Variants in COX4I2 observed in about 807,000 individuals in gnomAD.
COX4I2 encodes the protein cytochrome c oxidase subunit 4I2.
Under a neutral mutation model 20.8 loss-of-function variants are expected in COX4I2, and 15 were observed. The ratio of observed to expected loss-of-function variants is 0.72; its 90% CI spans 0.48 to 1.11. The LOEUF (loss-of-function observed/expected upper bound fraction) is 1.11. COX4I2 is among the 50% of genes most tolerant of loss of function. The pLI, the probability that COX4I2 is intolerant of heterozygous loss-of-function variation, is 0.00. For synonymous variants in COX4I2, 80 were observed against 78.1 expected (o/e 1.02, Z -0.13); for missense variants, 224 against 223.0 (o/e 1.00, Z -0.03).
At chr20:31,643,577 C>T (rs748718509) in intron 4 of COX4I2, 42 bp downstream of exon 4, 6 of 1,610,990 alleles carry the variant, frequency 3.7e-6, no homozygotes, top group Non-Finnish European at 5.1e-6. Flanking sequence ...CTGGGCCATG[C>T]CCTTGTGGTC....
In COX4I2 at chr20:31,644,968, C is replaced by T. The variant is rs2060488667; in HGVS notation, c.*64C>T. ...CTGGGAGCCTCTGGCGGCCCCTCCC[C>T]TCCCCTGCCCTTAACCCCAGTAAAG... On this transcript the variant is annotated 3_prime_UTR_variant, in exon 5 of 5. Coordinates refer to ENST00000376075, the MANE Select transcript of COX4I2 (RefSeq NM_032609.3). 1 of 1,578,298 alleles carries T rather than the reference C, an allele frequency of 6.3e-7. No individual in the cohort carries two copies. The highest frequency in any genetic ancestry group is 1.8e-5 in the Admixed American group (1 of 55,246).
intron 3 of COX4I2, among the ~76,000 whole-genome samples, chr20:31,641,495 C>T (rs1377978973): frequency 6.6e-6 from 1 of 152,222 alleles, no homozygotes; most frequent in Non-Finnish European, 1.5e-5. Context: ...TTAGGTTGCT[C>T]TCGTTAGCTC....
chr20:31,639,949 G>C lies in COX4I2; in HGVS notation c.99G>C (p.Lys33Asn). 1 of 1,614,082 alleles carries C rather than the reference G, an allele frequency of 6.2e-7. No individual in the cohort carries two copies. Among genetic ancestry groups the C allele is most frequent in the Non-Finnish European group, 8.5e-7 (1 of 1,180,010 alleles). ...SSEGTTRGGG[K>N]MSPYTNCYAQ... is the part of the protein sequence containing the mutation. ...TGTCTGCAGCCCGTGGTGGGGGGAA[G>C]ATGTCCCCCTACACCAACTGCTATG... The change falls in exon 3 of 5, where the codon AAG becomes AAC. Residue 33 changes from lysine to asparagine, a missense_variant. Lys to Asn is a moderately conservative substitution (Grantham distance 94). Transcript: ENST00000376075.
At chr20:31,640,178 G>T in intron 3 of COX4I2, 81 bp downstream of exon 3, 1 of 1,436,760 alleles carries the variant, frequency 7.0e-7, no homozygotes. Context: ...GGATCAGAGG[G>T]CAGAGAGAGG....
At chr20:31,640,159 G>C (rs913376401) in intron 3 of COX4I2, 62 bp downstream of exon 3, 6 of 1,526,216 alleles carry the variant, frequency 3.9e-6, no homozygotes. Flanking sequence ...GGAAAGAATG[G>C]CCTGTCAGGG....
Position 31,639,010 on chromosome 20 carries a change from G to A in COX4I2, c.1-8G>A, listed in dbSNP as rs374439906. 1.2e-5 allele frequency: 19 copies of A among 1,607,414 alleles called. No individual in the cohort carries two copies. Among genetic ancestry groups the A allele is most frequent in the African/African-American group, 2.7e-5 (2 of 74,876 alleles). ...GGGCAGAACTCATCTATACCTTCAC[G>A]CCCCCAGATGCTCCCCAGAGCTGCC... On this transcript the variant is annotated splice_region_variant and splice_polypyrimidine_tract_variant and intron_variant, in intron 1 of 4. Transcript: ENST00000376075.
intron 3 of COX4I2, among the ~76,000 whole-genome samples, chr20:31,641,128 A>G (rs2060465804): frequency 6.6e-6 from 1 of 151,996 alleles, no homozygotes; most frequent in African/African-American, 2.4e-5. Flanking sequence ...ACATGTATAC[A>G]TATGTAACAA....
At chr20:31,640,337 A>G (rs1357196623) in intron 3 of COX4I2, among the ~76,000 whole-genome samples, 1 of 152,154 alleles carries the variant, frequency 6.6e-6, no homozygotes, top group East Asian at 1.9e-4. Flanking sequence ...TCCTGCCCCC[A>G]TGGTGCCCCC....
chr20:31,638,996 A>C (rs2060451511), intron 1 of COX4I2, 22 bp from the exon 2 acceptor site: 1 of 1,599,294 alleles, frequency 6.3e-7, no homozygotes, highest in Admixed American at 1.7e-5. Flanking sequence ...GGCAGAACTC[A>C]TCTATACCTT....
At chr20:31,644,584 G>C (rs2060485333) in intron 4 of COX4I2, among the ~76,000 whole-genome samples, 184 bp from the exon 5 acceptor site, 1 of 152,170 alleles carries the variant, frequency 6.6e-6, no homozygotes. Context: ...CGATGCTCTA[G>C]GAGAAAGTCT....
intron 1 of COX4I2, among the ~76,000 whole-genome samples, chr20:31,638,589 G>A (rs898054322): frequency 3.9e-5 from 6 of 151,992 alleles, no homozygotes; most frequent in Non-Finnish European, 7.4e-5. Flanking sequence ...AGGGGCCTCT[G>A]GCCCCTGCAG....
At chr20:31,643,201 G>A (rs2060477791) in intron 3 of COX4I2, among the ~76,000 whole-genome samples, 1 of 152,152 alleles carries the variant, frequency 6.6e-6, no homozygotes, top group Non-Finnish European at 1.5e-5. Context: ...ATTTGCCATT[G>A]TCTCCCCCTC....
intron 3 of COX4I2, among the ~76,000 whole-genome samples, chr20:31,640,354 G>T (rs6088864): frequency 8.4e-4 from 128 of 152,178 alleles, no homozygotes; most frequent in Middle Eastern, 6.8e-3. Flanking sequence ...CCCCGGTCCC[G>T]TGGGGAAAAC....
chr20:31,639,030 G>A lies in COX4I2; in HGVS notation c.13G>A (p.Ala5Thr), dbSNP rs1458110470. MLPR[A>T]AWSLVLRKGG... is the part of the protein sequence containing the mutation. ...TTCACGCCCCCAGATGCTCCCCAGA[G>A]CTGCCTGGAGCTTGGTGCTGAGGAA... Residue 5 changes from alanine to threonine, a missense_variant, in exon 2 of 5, where the codon GCT becomes ACT. Physicochemically the swap from Ala to Thr is moderately conservative, Grantham distance 58. Transcript: ENST00000376075. The A allele has an allele frequency of 6.2e-7, 1 of 1,611,418 alleles. No homozygotes were observed. Among genetic ancestry groups the A allele is most frequent in the Non-Finnish European group, 8.5e-7 (1 of 1,179,112 alleles).
At chr20:31,639,644 G>A (rs1157124400) in intron 2 of COX4I2, among the ~76,000 whole-genome samples, 1 of 146,072 alleles carries the variant, frequency 6.8e-6, no homozygotes, top group East Asian at 2.0e-4. Flanking sequence ...TGCAACCTCC[G>A]CCTCCTGGGT....
intron 3 of COX4I2, among the ~76,000 whole-genome samples, chr20:31,641,662 T>A (rs781127505): frequency 6.6e-6 from 1 of 152,140 alleles, no homozygotes; most frequent in Non-Finnish European, 1.5e-5. Context: ...TTTGGTGGGA[T>A]GCTTGGGGAG....
intron 4 of COX4I2, 89 bp downstream of exon 4, chr20:31,643,624 G>T (rs1329717004): frequency 5.9e-6 from 9 of 1,514,674 alleles, no homozygotes; most frequent in African/African-American, 1.4e-5. Flanking sequence ...AACCATGCTG[G>T]CACTCATCTG....
intron 1 of COX4I2, among the ~76,000 whole-genome samples, chr20:31,638,172 T>G (rs2060446871): frequency 6.6e-6 from 1 of 152,056 alleles, no homozygotes; most frequent in South Asian, 2.1e-4. Context: ...CTCCCTCTCT[T>G]GATATGTGGA....
chr20:31,641,246 T>A (rs974261168), intron 3 of COX4I2, among the ~76,000 whole-genome samples: 2 of 151,458 alleles, frequency 1.3e-5, no homozygotes, highest in African/African-American at 4.8e-5. Flanking sequence ...TCGTCCCAGC[T>A]ATTTGGGAGG....
Sources: allele counts gnomAD v4.1 joint callset (sites outside exome capture counted in the v4.1 genomes callset), GRCh38; gene constraint gnomAD v4.1.1; transcripts MANE v1.5; gene names NCBI Gene and HGNC (gene_info 2026-07-23, HGNC 2026-07-21).